Variants in ZNF225 observed in about 807,000 individuals in gnomAD.
ZNF225 encodes the protein zinc finger protein 225.
A neutral mutation model predicts 12.0 loss-of-function variants in ZNF225; 6 were observed. The observed-to-expected ratio is 0.50, with a 90% CI of 0.27 to 0.98. The LOEUF is 0.98. ZNF225 is among the 50% of genes least tolerant of loss of function. The pLI is 0.11. For missense variants in ZNF225, 763 were observed against 848.2 expected (o/e 0.90, Z 1.25); for synonymous variants, 271 against 283.2 (o/e 0.96, Z 0.43).
At position 44,130,937 on chromosome 19, in the gene ZNF225, C is replaced by A. The variant is rs776579836; in HGVS notation, c.323C>A (p.Ser108Ter). Residue 108 changes from serine (S) to a stop codon, truncating the protein, a stop_gained, in exon 5 of 5, where the codon TCA (serine) becomes TAA (stop). Transcript: ENST00000262894. LOFTEE classifies it low-confidence loss of function (END_TRUNC). The stretch of plus-strand genomic sequence containing the variant: ...AGTCATCAAACCTGGGAACAAATTT[C>A]AAGTGACTTAACCAGGTTTCAAGAC... Reference protein sequence around the residue: ...LFSHQTWEQISSDLTRFQDSM... With the variant: ...LFSHQTWEQI The A allele has an allele frequency of 2.5e-6, 4 of 1,614,072 alleles. No individual in the cohort carries two copies. Among genetic ancestry groups the A allele is most frequent in the Non-Finnish European group, 3.4e-6 (4 of 1,180,000 alleles).
Position 44,131,215 on chromosome 19 carries a change from G to T in ZNF225, c.601G>T (p.Glu201Ter). ...TATTCATCAGAGAGTTCACATGGGG[G>T]AGAAACTCTATAATTGTGATGTGTG... ...LRIHQRVHMG[E>*]KLYNCDVCGK... The change falls in exon 5 of 5, where the codon GAG becomes TAG. Residue 201 changes from glutamate to a stop codon, truncating the protein, a stop_gained. Transcript: ENST00000262894. LOFTEE classifies it low-confidence loss of function (END_TRUNC). 2 of 1,614,182 alleles carry T rather than the reference G, an allele frequency of 1.2e-6. No homozygotes were observed. The highest frequency in any genetic ancestry group is 1.7e-6 in the Non-Finnish European group (2 of 1,180,022).
At position 44,132,452 on chromosome 19, in the gene ZNF225, C is replaced by T; in HGVS notation, c.1838C>T (p.Ser613Phe). ...TTTACTGAGAATTCACAGCTTCATT[C>T]CCATCAGAGGGTTCACACTGGGGAA... Reference protein sequence around the residue: ...KRFTENSQLHSHQRVHTGEKP... With the variant: ...KRFTENSQLHFHQRVHTGEKP... The change falls in exon 5 of 5, where the codon TCC becomes TTC. Residue 613 changes from serine (S) to phenylalanine (F), a missense_variant. Ser to Phe is a radical substitution (Grantham distance 155, BLOSUM62 -2). Transcript: ENST00000262894. The T allele has an allele frequency of 6.2e-7, 1 of 1,614,100 alleles. No homozygotes were observed. The highest frequency in any genetic ancestry group is 1.1e-5 in the South Asian group (1 of 91,070).
chr19:44,129,572 G>C (rs1203296935), intron 4 of ZNF225: 1 of 152,270 alleles, frequency 6.6e-6, no homozygotes, highest in East Asian at 1.9e-4. Flanking sequence ...TAATTACATA[G>C]CCATTATTGG....
intron 2 of ZNF225, 138 bp from the exon 3 acceptor site, chr19:44,118,050 A>C: frequency 1.3e-6 from 1 of 779,620 alleles, no homozygotes; most frequent in Non-Finnish European, 1.8e-6. Context: ...AAATAATAAA[A>C]AAGGAAGTCT....
chr19:44,118,877 T>C (rs753495904), intron 4 of ZNF225, among the ~76,000 whole-genome samples: 4 of 151,142 alleles, frequency 2.6e-5, no homozygotes, highest in Non-Finnish European at 4.4e-5. Context: ...AGTGCAGTGG[T>C]GCAATCTCGG....
chr19:44,119,059 G>A (rs1175338603), intron 4 of ZNF225, among the ~76,000 whole-genome samples: 13 of 152,004 alleles, frequency 8.6e-5, no homozygotes, highest in South Asian at 2.1e-4. Context: ...CTCGTGATCC[G>A]CCCGCCTTGG....
At chr19:44,115,944 C>T in intron 2 of ZNF225, 102 bp downstream of exon 2, 2 of 1,202,346 alleles carry the variant, frequency 1.7e-6, no homozygotes, top group Non-Finnish European at 2.3e-6. Context: ...TCATTGCAAC[C>T]TCCACCTCCG....
In ZNF225 at chr19:44,131,820, T is replaced by C; in HGVS notation, c.1206T>C (p.Cys402=). ...ACAGTGGAGAGACAACATTCAAATGTGAAGAATGTGGGAAGGGATTTTATA... is the reference window on the plus strand; with the variant it reads ...ACAGTGGAGAGACAACATTCAAATGCGAAGAATGTGGGAAGGGATTTTATA... ...RVHSGETTFK[C]EECGKGFYTN... The change falls in exon 5 of 5, where the codon TGT becomes TGC. Residue 402 remains cysteine, a synonymous_variant. Transcript: ENST00000262894. 2.5e-6 allele frequency: 4 copies of C among 1,614,176 alleles called. No individual in the cohort carries two copies. The highest frequency in any genetic ancestry group is 3.4e-6 in the Non-Finnish European group (4 of 1,180,022).
At chr19:44,115,739 G>A in intron 1 of ZNF225, 21 bp from the exon 2 acceptor site, 1 of 1,343,362 alleles carries the variant, frequency 7.4e-7, no homozygotes. Context: ...CTCTTTTTCT[G>A]CCTTCCCTGG....
chr19:44,113,710 CG>C (rs1311945942), intron 1 of ZNF225, 141 bp downstream of exon 1: 1 of 152,214 alleles, frequency 6.6e-6, no homozygotes, highest in African/African-American at 2.4e-5. Flanking sequence ...GCTCTGAGCT[CG>C]CCCACTCGGC....
chr19:44,132,604 A>T lies in ZNF225; in HGVS notation c.1990A>T (p.Ser664Cys). The part of the protein sequence containing the change: ...CEDCGKSIVH[S>C]SCLKDQQRDQ... ...GGACTGTGGGAAGAGCATTGTGCAC[A>T]GTTCATGCCTTAAAGACCAACAAAG... The change falls in exon 5 of 5, where the codon AGT becomes TGT. Residue 664 changes from serine (S) to cysteine (C), a missense_variant. By Grantham distance (112) the Ser-to-Cys change is moderately radical (BLOSUM62 -1). Transcript: ENST00000262894. 6.2e-7 allele frequency: 1 copy of T among 1,614,090 alleles called. No individual in the cohort carries two copies. Among genetic ancestry groups the T allele is most frequent in the Non-Finnish European group, 8.5e-7 (1 of 1,179,984 alleles).
In ZNF225 at chr19:44,131,862, T is replaced by C. The variant is rs762262924; in HGVS notation, c.1248T>C (p.Tyr416=). The C allele has an allele frequency of 6.2e-7, 1 of 1,614,130 alleles. No individual in the cohort carries two copies. The highest frequency in any genetic ancestry group is 2.2e-5 in the East Asian group (1 of 44,876). ...GATTTTATACAAATTCACAACGTTATTCTCACCAGAGAGCGCACAGTGGAG... is the reference window on the plus strand; with the variant it reads ...GATTTTATACAAATTCACAACGTTACTCTCACCAGAGAGCGCACAGTGGAG... ...GKGFYTNSQR[Y]SHQRAHSGEK... The change falls in exon 5 of 5, where the codon TAT becomes TAC. Residue 416 remains tyrosine, a synonymous_variant. Transcript: ENST00000262894.
Position 44,115,781 on chromosome 19 carries a change from G to A in ZNF225, c.-47G>A, listed in dbSNP as rs781531366. The A allele has an allele frequency of 6.2e-7, 1 of 1,603,584 alleles. No homozygotes were observed. The highest frequency in any genetic ancestry group is 8.5e-7 in the Non-Finnish European group (1 of 1,173,776). ...CCAGGCAGGATTCTGCTTTCCCTTG[G>A]ACTGTATCACTCAGGACTCTGAATA... is the stretch of plus-strand genomic sequence containing the variant. On this transcript the variant is annotated 5_prime_UTR_variant, in exon 2 of 5. Transcript: ENST00000262894.
At position 44,131,239 on chromosome 19, in the gene ZNF225, T is replaced by C; in HGVS notation, c.625T>C (p.Cys209Arg). ...MGEKLYNCDVCGKEFNQSSHL... is the reference protein window; with the variant it reads ...MGEKLYNCDVRGKEFNQSSHL... Reference sequence around the variant, plus strand: ...GGAGAAACTCTATAATTGTGATGTGTGTGGTAAGGAATTCAATCAGAGCTC... The same window carrying C: ...GGAGAAACTCTATAATTGTGATGTGCGTGGTAAGGAATTCAATCAGAGCTC... The change falls in exon 5 of 5, where the codon TGT becomes CGT. Residue 209 changes from cysteine to arginine, a missense_variant. Physicochemically the swap from Cys to Arg is radical, Grantham distance 180. Transcript: ENST00000262894. The C allele has an allele frequency of 6.2e-7, 1 of 1,614,192 alleles. No individual in the cohort carries two copies.
upstream of ZNF225, chr19:44,111,985 GAA>G (rs1967841287): frequency 6.6e-6 from 1 of 152,198 alleles, no homozygotes; most frequent in South Asian, 2.1e-4. Flanking sequence ...AGGAAGAAGA[GAA>G]AGAGAAACGG....
At chr19:44,113,925 A>C (rs1321114843) in intron 1 of ZNF225, 1 of 240,290 alleles carries the variant, frequency 4.2e-6, no homozygotes, top group Non-Finnish European at 8.0e-6. Context: ...TCTCTTGTTA[A>C]TTTCCCACGA....
At chr19:44,128,834 G>C (rs1477974212) in intron 4 of ZNF225, 1 of 390,704 alleles carries the variant, frequency 2.6e-6, no homozygotes, top group Non-Finnish European at 4.5e-6. Flanking sequence ...AGCTCACTAA[G>C]AGTCTGTAGT....
rs1041105965 is a variant in ZNF225, at chr19:44,131,176, A to C, written c.562A>C (p.Ser188Arg). Reference sequence around the variant, plus strand: ...TGAATGTGGAAAGAGTTTCTGTTATAGCTCAGCTCTTCGTATTCATCAGAG... The same window carrying C: ...TGAATGTGGAAAGAGTTTCTGTTATCGCTCAGCTCTTCGTATTCATCAGAG... ...CDECGKSFCY[S>R]SALRIHQRVH... Residue 188 changes from serine to arginine, a missense_variant, in exon 5 of 5, where the codon AGC (serine) becomes CGC (arginine). Physicochemically the swap from Ser to Arg is moderately radical, Grantham distance 110. Coordinates refer to ENST00000262894, the MANE Select transcript of ZNF225 (RefSeq NM_013362.4). 1 of 1,614,212 alleles carries C rather than the reference A, an allele frequency of 6.2e-7. No individual in the cohort carries two copies. The highest frequency in any genetic ancestry group is 8.5e-7 in the Non-Finnish European group (1 of 1,180,032).
chr19:44,131,437 C>T lies in ZNF225; in HGVS notation c.823C>T (p.Leu275Phe), dbSNP rs779996687. ...CGKAFIHDSQ[L>F]QEHQRIHTGE... ...GAAGGCCTTCATTCATGATTCCCAG[C>T]TTCAGGAACATCAAAGAATCCATAC... is the stretch of plus-strand genomic sequence containing the variant. Residue 275 changes from leucine (L) to phenylalanine (F), a missense_variant, in exon 5 of 5, where the codon CTT (leucine) becomes TTT (phenylalanine). Leu to Phe is a conservative substitution (Grantham distance 22). Coordinates refer to ENST00000262894, the MANE Select transcript of ZNF225 (RefSeq NM_013362.4). The T allele has an allele frequency of 1.2e-6, 2 of 1,614,166 alleles. No homozygotes were observed. The highest frequency in any genetic ancestry group is 1.7e-6 in the Non-Finnish European group (2 of 1,180,040).
Sources: gnomAD v4.1 joint callset for allele counts (sites outside exome capture counted in the v4.1 genomes callset) on GRCh38, gnomAD v4.1.1 for gene constraint, MANE v1.5 for transcripts, NCBI Gene and HGNC (gene_info 2026-07-23, HGNC 2026-07-21) for gene names.